CNIH3: variants seen among roughly 807,000 people sequenced by gnomAD.
CNIH3 encodes the protein protein cornichon homolog 3.
In CNIH3, 14 loss-of-function variants were observed where a neutral mutation model predicts 24.1. That is an observed-to-expected ratio of 0.58 (90% CI 0.38 to 0.91). The LOEUF is 0.91. Ranked by LOEUF, CNIH3 falls within the 40% of genes least tolerant of loss-of-function variation. The pLI is 0.00. For synonymous variants in CNIH3, 68 were observed against 73.8 expected (o/e 0.92, Z 0.40); for missense variants, 178 against 196.8 (o/e 0.90, Z 0.57).
chr1:224,667,436 A>G (rs189154470), intron 1 of CNIH3, among the ~76,000 whole-genome samples: 1 of 152,342 alleles, frequency 6.6e-6, no homozygotes, highest in East Asian at 1.9e-4. Flanking sequence ...CACATCTACA[A>G]CATACCAGCA....
intron 2 of CNIH3, among the ~76,000 whole-genome samples, chr1:224,534,053 T>C (rs941129001): frequency 2.6e-5 from 4 of 152,176 alleles, no homozygotes; most frequent in African/African-American, 9.7e-5. Flanking sequence ...TGGTCCCAGC[T>C]ACTCCAGAGG....
At chr1:224,718,410 A>G (rs532106888) in intron 3 of CNIH3, among the ~76,000 whole-genome samples, 1 of 152,182 alleles carries the variant, frequency 6.6e-6, no homozygotes, top group African/African-American at 2.4e-5. Flanking sequence ...TGAGCAGGGG[A>G]GTGAGTGGCG....
chr1:224,526,358 G>A (rs893136013), intron 2 of CNIH3, among the ~76,000 whole-genome samples: 5 of 152,172 alleles, frequency 3.3e-5, no homozygotes, highest in African/African-American at 1.2e-4. Flanking sequence ...AATGGGATTA[G>A]TGCCCTCGTA....
At chr1:224,614,434 G>A (rs547245827), upstream of CNIH3, among the ~76,000 whole-genome samples, 21 of 152,304 alleles carry the variant, frequency 1.4e-4, no homozygotes, top group East Asian at 1.5e-3. Flanking sequence ...AGCGCTTTGG[G>A]AGGCCAAGGC....
chr1:224,548,091 C>T (rs867808545), intron 3 of CNIH3, among the ~76,000 whole-genome samples: 25 of 150,702 alleles, frequency 1.7e-4, no homozygotes, highest in Admixed American at 2.6e-4. Context: ...GTGTACACCC[C>T]GTGATGTTAT....
chr1:224,713,181 C>T (rs558734293), intron 3 of CNIH3, among the ~76,000 whole-genome samples: 5 of 152,294 alleles, frequency 3.3e-5, no homozygotes, highest in South Asian at 4.1e-4. Flanking sequence ...CCAGGAGACC[C>T]GTTGCAGTCC....
At chr1:224,489,283 G>GC (rs1677150638) in intron 1 of CNIH3, among the ~76,000 whole-genome samples, 1 of 152,178 alleles carries the variant, frequency 6.6e-6, no homozygotes, top group African/African-American at 2.4e-5. Flanking sequence ...AGCATCAGCT[G>GC]GACAGTTGGT....
At chr1:224,476,964 C>A (rs1051624254) in intron 1 of CNIH3, among the ~76,000 whole-genome samples, 32 of 152,206 alleles carry the variant, frequency 2.1e-4, no homozygotes, top group African/African-American at 7.7e-4. Flanking sequence ...GGAAAGCCGG[C>A]AGTTACAGGC....
intron 2 of CNIH3, among the ~76,000 whole-genome samples, chr1:224,681,930 G>A (rs1286480668): frequency 6.6e-6 from 1 of 152,102 alleles, no homozygotes; most frequent in East Asian, 1.9e-4. Context: ...GGTTTCCAGC[G>A]CTAAGGCAAC....
chr1:224,484,163 C>T (rs1246974069), intron 1 of CNIH3, among the ~76,000 whole-genome samples: 1 of 117,492 alleles, frequency 8.5e-6, no homozygotes, highest in African/African-American at 3.2e-5. Context: ...AAGAGCAAAA[C>T]TCTGTCTCAA....
Position 224,444,895 on chromosome 1 carries a change from G to A in CNIH3, n.203+10033G>A, listed in dbSNP as rs552521047. 6.0e-5 allele frequency among the ~76,000 whole-genome samples: 9 copies of A among 149,900 alleles called. No homozygotes were observed. In the East Asian group the frequency reaches 1.2e-3, roughly 20 times the overall value. Reference sequence around the variant, plus strand: ...CCTGACCTCGTGATCCGCCCACCTCGGCCTCCCAAAGTGCTGGGATTACAG... The same window carrying A: ...CCTGACCTCGTGATCCGCCCACCTCAGCCTCCCAAAGTGCTGGGATTACAG... On this transcript the variant is annotated intron_variant and non_coding_transcript_variant, in intron 1 of 5. Coordinates refer to the CNIH3 transcript ENST00000471578.
At chr1:224,613,220 C>T (rs78590712), upstream of CNIH3, among the ~76,000 whole-genome samples, 2 of 151,904 alleles carry the variant, frequency 1.3e-5, no homozygotes, top group African/African-American at 4.8e-5. Flanking sequence ...AAGATGATCG[C>T]GAACTCCTGA....
At chr1:224,482,720 T>G (rs1676864655) in intron 1 of CNIH3, among the ~76,000 whole-genome samples, 1 of 152,062 alleles carries the variant, frequency 6.6e-6, no homozygotes, top group Admixed American at 6.6e-5. Context: ...GGAGAGGTGA[T>G]GCAAGCACTC....
At chr1:224,499,179 C>A (rs1677556222) in intron 1 of CNIH3, among the ~76,000 whole-genome samples, 1 of 152,204 alleles carries the variant, frequency 6.6e-6, no homozygotes, top group African/African-American at 2.4e-5. Flanking sequence ...TTAAAATGGA[C>A]TTTGTTTTAA....
At chr1:224,479,752 C>G (rs1182878987) in intron 1 of CNIH3, among the ~76,000 whole-genome samples, 2 of 152,216 alleles carry the variant, frequency 1.3e-5, no homozygotes, top group East Asian at 1.9e-4. Context: ...CACACTGATG[C>G]AAGAGATGGG....
chr1:224,586,139 T>A (rs1402466964), intron 5 of CNIH3, among the ~76,000 whole-genome samples: 1 of 152,224 alleles, frequency 6.6e-6, no homozygotes, highest in East Asian at 1.9e-4. Context: ...GATCTGAACC[T>A]TGAAAAGGGA....
At chr1:224,457,366 C>T (rs2102976664) in intron 1 of CNIH3, among the ~76,000 whole-genome samples, 1 of 152,028 alleles carries the variant, frequency 6.6e-6, no homozygotes, top group African/African-American at 2.4e-5. Context: ...GGAGATAGCT[C>T]TGGCTTCCAA....
At chr1:224,643,385 T>C (rs1353478158) in intron 1 of CNIH3, among the ~76,000 whole-genome samples, 2 of 152,212 alleles carry the variant, frequency 1.3e-5, no homozygotes, top group Admixed American at 1.3e-4. Flanking sequence ...CTCATCTAGA[T>C]TTAAGGAAAC....
At chr1:224,606,508 C>T (rs1020433084) in intron 3 of CNIH3, among the ~76,000 whole-genome samples, 15 of 152,098 alleles carry the variant, frequency 9.9e-5, no homozygotes, top group Non-Finnish European at 1.6e-4. Context: ...TCAGTCACTT[C>T]TCTTCTCTCC....
Sources: gnomAD v4.1 joint callset for allele counts (sites outside exome capture counted in the v4.1 genomes callset) on GRCh38, gnomAD v4.1.1 for gene constraint, MANE v1.5 for transcripts, NCBI Gene and HGNC (gene_info 2026-07-23, HGNC 2026-07-21) for gene names.